The following MCTP1 variants were observed in gnomAD, a reference collection of about 807,000 sequenced individuals.
MCTP1 encodes the protein multiple C2 and transmembrane domain containing 1.
A neutral mutation model predicts 120.6 loss-of-function variants in MCTP1; 69 were observed. The ratio of observed to expected loss-of-function variants is 0.57; its 90% CI spans 0.47 to 0.70. MCTP1 has a LOEUF of 0.70. MCTP1 is among the 30% of genes least tolerant of loss of function. The pLI is 0.00. For synonymous variants in MCTP1, 529 were observed against 493.1 expected (o/e 1.07, Z -0.96); for missense variants, 1,203 against 1,248.8 (o/e 0.96, Z 0.55).
intron 1 of MCTP1, among the ~76,000 whole-genome samples, chr5:95,239,988 C>T (rs186360461): frequency 1.2e-3 from 187 of 152,082 alleles, no homozygotes; most frequent in African/African-American, 3.3e-3. Flanking sequence ...TATGGGTTAA[C>T]GATTCTACAA....
chr5:94,709,740 G>A (rs577325492), intron 21 of MCTP1: 2 of 152,094 alleles, frequency 1.3e-5, no homozygotes, highest in Admixed American at 1.3e-4. Context: ...ATAGAAATTA[G>A]GAAAGGAAAA....
Position 95,045,320 on chromosome 5 carries a change from T to C in MCTP1, c.721-27836A>G, listed in dbSNP as rs374738103. 2.0e-5 allele frequency among the ~76,000 whole-genome samples: 3 copies of C among 152,334 alleles called. No homozygotes were observed. The East Asian group carries it at 5.8e-4, about 29-fold the overall frequency. On this transcript the variant is annotated intron_variant, in intron 1 of 22. Transcript: ENST00000515393. ...TTTACCACAGCAACCTGCTGTTTCC[T>C]TATCACAGTTTGGAAATACCATATT...
chr5:95,256,953 A>G (rs1415556319), intron 1 of MCTP1, among the ~76,000 whole-genome samples: 1 of 152,218 alleles, frequency 6.6e-6, no homozygotes, highest in African/African-American at 2.4e-5. Flanking sequence ...TTTTACTTAG[A>G]GTAGTGACAG....
intron 1 of MCTP1, among the ~76,000 whole-genome samples, chr5:95,226,615 A>T (rs563915508): frequency 7.2e-4 from 110 of 151,812 alleles, no homozygotes; most frequent in African/African-American, 2.6e-3. Context: ...CTTGCCAACT[A>T]TGGAGGGCTC....
intron 1 of MCTP1, among the ~76,000 whole-genome samples, chr5:95,263,337 TCAAAG>T (rs1332222362): frequency 1.3e-5 from 2 of 152,122 alleles, no homozygotes; most frequent in Non-Finnish European, 2.9e-5. Flanking sequence ...AAGCTATGGA[TCAAAG>T]CAAGTCTGTA....
intron 17 of MCTP1, chr5:94,867,056 T>G: frequency 2.7e-6 from 1 of 369,508 alleles, no homozygotes; most frequent in Non-Finnish European, 4.5e-6. Context: ...GAAGTAATAG[T>G]CTAAAATAGA....
chr5:95,190,955 A>T (rs1424167066), intron 1 of MCTP1, among the ~76,000 whole-genome samples: 3 of 152,046 alleles, frequency 2.0e-5, no homozygotes. Flanking sequence ...AAGCAATATG[A>T]TAATAATGTG....
intron 1 of MCTP1, among the ~76,000 whole-genome samples, chr5:95,030,908 CAAAG>C (rs1159193651): frequency 1.3e-5 from 2 of 151,176 alleles, no homozygotes; most frequent in African/African-American, 2.4e-5. Context: ...ATATCCAACA[CAAAG>C]AAGCCAGAAA....
At chr5:95,021,476 C>T (rs2153674764) in intron 1 of MCTP1, among the ~76,000 whole-genome samples, 1 of 152,092 alleles carries the variant, frequency 6.6e-6, no homozygotes, top group African/African-American at 2.4e-5. Flanking sequence ...TCCATCATTT[C>T]AGGTTCTGTT....
At chr5:95,023,489 T>A (rs1838597918) in intron 1 of MCTP1, among the ~76,000 whole-genome samples, 1 of 152,222 alleles carries the variant, frequency 6.6e-6, no homozygotes, top group South Asian at 2.1e-4. Context: ...AAGTTTGAGC[T>A]GCGCTCCTGG....
chr5:95,074,694 C>T (rs73140029), intron 1 of MCTP1, among the ~76,000 whole-genome samples: 12,038 of 152,052 alleles, frequency 0.079, 1,633 homozygotes, highest in African/African-American at 0.28. Context: ...TTCAGGTATG[C>T]GGAAAAGCTT....
chr5:95,081,003 TATA>T (rs1403652231), intron 1 of MCTP1, among the ~76,000 whole-genome samples: 5 of 152,152 alleles, frequency 3.3e-5, no homozygotes, highest in African/African-American at 4.8e-5. Flanking sequence ...AATTGAAAAA[TATA>T]ATGATTGAGC....
intron 17 of MCTP1, among the ~76,000 whole-genome samples, chr5:94,857,075 A>C (rs540600722): frequency 1.3e-5 from 2 of 151,820 alleles, no homozygotes; most frequent in Admixed American, 6.6e-5. Context: ...GGAGGACATA[A>C]ATGTATCCCC....
At chr5:94,822,970 T>C (rs532337026) in intron 17 of MCTP1, among the ~76,000 whole-genome samples, 3 of 152,228 alleles carry the variant, frequency 2.0e-5, no homozygotes, top group Non-Finnish European at 4.4e-5. Flanking sequence ...GATGGATAGA[T>C]TGCAAACTTT....
At chr5:95,152,063 G>A (rs1444302458) in intron 1 of MCTP1, among the ~76,000 whole-genome samples, 3 of 152,196 alleles carry the variant, frequency 2.0e-5, no homozygotes. Flanking sequence ...TTTGGATTAT[G>A]AGTGCAATTA....
At chr5:94,815,202 C>T (rs1784270510) in intron 17 of MCTP1, among the ~76,000 whole-genome samples, 1 of 152,160 alleles carries the variant, frequency 6.6e-6, no homozygotes, top group South Asian at 2.1e-4. Context: ...AAACCACTTC[C>T]AACTGTTTTT....
At chr5:95,086,090 T>A (rs1241760293) in intron 1 of MCTP1, among the ~76,000 whole-genome samples, 2 of 152,166 alleles carry the variant, frequency 1.3e-5, no homozygotes, top group East Asian at 3.8e-4. Context: ...TTCTGTTATT[T>A]ACCTGTAATT....
rs148820016 is a variant in MCTP1 at position 94,931,612 on chromosome 5, C to T, written c.1212+341G>A. On this transcript the variant is annotated intron_variant, in intron 6 of 22. Coordinates refer to ENST00000515393, the MANE Select transcript of MCTP1 (RefSeq NM_024717.7). ...ACCCCCCAAAATAAAATAAATTGTG[C>T]GAATCTTTCTTCTGTCTGGAGTTGT... 659 of 217,232 alleles carry T rather than the reference C, an allele frequency of 3.0e-3. 1 individual carries two copies. The highest frequency in any genetic ancestry group is 5.0e-3 in the Non-Finnish European group (552 of 111,204). The allele number at this position is 217,232 out of a possible 1,614,324, so 13.5% of individuals were successfully genotyped here. A position where few individuals can be genotyped will look rare whatever the true frequency, so the allele number is the denominator to read the frequency against.
chr5:94,721,732 A>C (rs904445181), intron 19 of MCTP1, among the ~76,000 whole-genome samples: 12 of 152,120 alleles, frequency 7.9e-5, no homozygotes, highest in Non-Finnish European at 1.5e-4. Flanking sequence ...ATTGTAGAGA[A>C]TAAATTGGTA....
Sources: gnomAD v4.1 joint callset for allele counts (sites outside exome capture counted in the v4.1 genomes callset) on GRCh38, gnomAD v4.1.1 for gene constraint, MANE v1.5 for transcripts, NCBI Gene and HGNC (gene_info 2026-07-23, HGNC 2026-07-21) for gene names.